ZFP30: variants seen among roughly 807,000 people sequenced by gnomAD.
ZFP30 encodes zinc finger protein 30 homolog.
Under a neutral mutation model 12.3 loss-of-function variants are expected in ZFP30, and 16 were observed. The observed-to-expected ratio is 1.30, with a 90% CI of 0.88 to 1.98. ZFP30 has a LOEUF of 1.98. Ranked by LOEUF, ZFP30 falls within the 30% of genes most tolerant of loss-of-function variation. The pLI is 0.00. For missense variants in ZFP30, 560 were observed against 611.2 expected, an observed-to-expected ratio of 0.92 and a Z score of 0.88; for synonymous variants, 172 against 201.0, an observed-to-expected ratio of 0.86 and a Z score of 1.22.
Position 37,649,895 on chromosome 19 carries a change from T to C in ZFP30, c.-77-1996A>G, listed in dbSNP as rs938311859. 2.0e-5 allele frequency among the ~76,000 whole-genome samples: 3 copies of C among 152,106 alleles called. No individual in the cohort carries two copies. The East Asian group carries it at 5.8e-4, about 29-fold the overall frequency. On this transcript the variant is annotated intron_variant, in intron 2 of 5. Coordinates refer to ENST00000684514, the MANE Select transcript of ZFP30 (RefSeq NM_001320669.3). ...TTAAAAATGAAGATAAAATTCATAT[T>C]TGATGTCATGGGAAGATGGCCACTA... is the stretch of plus-strand genomic sequence containing the variant.
chr19:37,646,690 C>T (rs1483896400), intron 3 of ZFP30, among the ~76,000 whole-genome samples: 18 of 152,204 alleles, frequency 1.2e-4, no homozygotes, highest in Non-Finnish European at 1.3e-4. Context: ...ATTCTCCCAC[C>T]TCAGTTTCCC....
At chr19:37,652,314 C>A (rs1269349842) in intron 2 of ZFP30, among the ~76,000 whole-genome samples, 1 of 152,184 alleles carries the variant, frequency 6.6e-6, no homozygotes, top group Non-Finnish European at 1.5e-5. Context: ...CACCTGTAAT[C>A]CCAGCACTTT....
At chr19:37,654,020 A>G (rs757473514) in intron 2 of ZFP30, among the ~76,000 whole-genome samples, 1 of 152,240 alleles carries the variant, frequency 6.6e-6, no homozygotes, top group Non-Finnish European at 1.5e-5. Context: ...TTTTAATACC[A>G]GTAGCTAGTA....
At chr19:37,649,418 T>C (rs1486254041) in intron 2 of ZFP30, among the ~76,000 whole-genome samples, 2 of 152,080 alleles carry the variant, frequency 1.3e-5, no homozygotes, top group East Asian at 1.9e-4. Flanking sequence ...CTCAATGATA[T>C]GATGTACAAA....
rs762572997 is a variant in ZFP30 at position 37,647,839 on chromosome 19, G to A, written c.-17C>T. ...ACGAGCCATGATTTTAGAACTGCTA[G>A]AACTGGTCAATTTTCCTCAAGGTTC... On this transcript the variant is annotated 5_prime_UTR_variant, in exon 3 of 6. Coordinates refer to ENST00000684514, the MANE Select transcript of ZFP30 (RefSeq NM_001320669.3). 6.2e-7 allele frequency: 1 copy of A among 1,614,136 alleles called. No individual in the cohort carries two copies. Among genetic ancestry groups the A allele is most frequent in the Non-Finnish European group, 8.5e-7 (1 of 1,180,008 alleles).
At chr19:37,648,071 G>T (rs547281589) in intron 2 of ZFP30, among the ~76,000 whole-genome samples, 172 bp from the exon 3 acceptor site, 6 of 152,138 alleles carry the variant, frequency 3.9e-5, no homozygotes, top group Non-Finnish European at 8.8e-5. Context: ...AAACCACAGC[G>T]AAATCAGCTC....
At chr19:37,638,685 G>A (rs1029240827) in intron 5 of ZFP30, among the ~76,000 whole-genome samples, 26 of 151,886 alleles carry the variant, frequency 1.7e-4, no homozygotes, top group Non-Finnish European at 3.5e-4. Context: ...ATGCAGCAAG[G>A]GCTAATCTCA....
At chr19:37,648,414 T>C (rs2044583289) in intron 2 of ZFP30, among the ~76,000 whole-genome samples, 1 of 152,206 alleles carries the variant, frequency 6.6e-6, no homozygotes, top group Non-Finnish European at 1.5e-5. Flanking sequence ...CTTTAAAATA[T>C]ACTGTTGCCT....
chr19:37,650,154 C>T (rs1015883481), intron 2 of ZFP30, among the ~76,000 whole-genome samples: 1 of 150,412 alleles, frequency 6.6e-6, no homozygotes, highest in Non-Finnish European at 1.5e-5. Flanking sequence ...GGCTTTTGCT[C>T]TGTCGCTCAG....
intron 2 of ZFP30, among the ~76,000 whole-genome samples, chr19:37,653,052 G>A (rs1490289316): frequency 1.3e-5 from 2 of 151,314 alleles, no homozygotes; most frequent in Non-Finnish European, 2.9e-5. Flanking sequence ...GGGAGGCAGC[G>A]GTTGCAGTGA....
chr19:37,637,735 G>A (rs1158383105), intron 5 of ZFP30, among the ~76,000 whole-genome samples: 9 of 152,056 alleles, frequency 5.9e-5, no homozygotes, highest in Admixed American at 4.6e-4. Flanking sequence ...TGATCTGCCC[G>A]CCTCAGCCTC....
intron 5 of ZFP30, among the ~76,000 whole-genome samples, chr19:37,638,728 T>C (rs1230728520): frequency 6.6e-6 from 1 of 152,034 alleles, no homozygotes; most frequent in Admixed American, 6.6e-5. Flanking sequence ...AAACTAGACA[T>C]ACAACAATCT....
rs781534659 is a variant in ZFP30, at chr19:37,635,664, T to C, written c.877A>G (p.Ile293Val). The change falls in exon 6 of 6, where the codon ATT (isoleucine) becomes GTT (valine). Residue 293 changes from isoleucine (I) to valine (V), a missense_variant. Transcript: ENST00000684514. ...TTACACTCATAGCACTTCTCAGCAA[T>C]GTTCAGTCTCTGATGTCGAGTAAGG... ...AHLTRHQRLNIAEKCYECKEC... is the reference protein window; with the variant it reads ...AHLTRHQRLNVAEKCYECKEC... The C allele has an allele frequency of 2.5e-6, 4 of 1,613,962 alleles. No homozygotes were observed. The highest frequency in any genetic ancestry group is 3.4e-6 in the Non-Finnish European group (4 of 1,179,974).
chr19:37,653,236 T>G (rs1053588357), intron 2 of ZFP30, among the ~76,000 whole-genome samples: 12 of 152,224 alleles, frequency 7.9e-5, no homozygotes, highest in African/African-American at 2.4e-4. Context: ...TTCCTGAGTA[T>G]TGTATCTCAT....
chr19:37,639,114 TTC>T (rs1444641630), intron 5 of ZFP30, among the ~76,000 whole-genome samples: 5 of 152,148 alleles, frequency 3.3e-5, no homozygotes, highest in African/African-American at 1.2e-4. Flanking sequence ...CTCTGTCTCT[TTC>T]TCTGTCTCCC....
chr19:37,650,124 ATT>A (rs879828813), intron 2 of ZFP30, among the ~76,000 whole-genome samples: 9 of 140,908 alleles, frequency 6.4e-5, no homozygotes, highest in African/African-American at 1.8e-4. Context: ...GAATCTTTAC[ATT>A]TTTTTTTTTT....
At chr19:37,646,834 G>C (rs1353187080) in intron 3 of ZFP30, among the ~76,000 whole-genome samples, 2 of 152,142 alleles carry the variant, frequency 1.3e-5, no homozygotes, top group East Asian at 3.9e-4. Context: ...CTCTGCTCAA[G>C]TAGTCCTCCT....
chr19:37,652,877 G>A (rs1204220022), intron 2 of ZFP30, among the ~76,000 whole-genome samples: 1 of 152,014 alleles, frequency 6.6e-6, no homozygotes, highest in Non-Finnish European at 1.5e-5. Context: ...CAACACTTTG[G>A]GAGGCCGAGG....
Position 37,644,696 on chromosome 19 carries a change from TGAGAA to T in ZFP30, c.45_49del (p.Phe15LeufsTer24). 1 of 1,613,716 alleles carries T rather than the reference TGAGAA, an allele frequency of 6.2e-7. No individual in the cohort carries two copies. The highest frequency in any genetic ancestry group is 8.5e-7 in the Non-Finnish European group (1 of 1,179,824). ...TGAGTTCAGGCATTCCCATTCTTCC[TGAGAA>T]AAGTCTACAGCCACATCTCTGAACA... is the stretch of plus-strand genomic sequence containing the variant. On this transcript the variant is annotated frameshift_variant, in exon 4 of 6. Transcript: ENST00000684514. LOFTEE classifies it high-confidence loss of function.
Sources: gnomAD v4.1 joint callset for allele counts (sites outside exome capture counted in the v4.1 genomes callset) on GRCh38, gnomAD v4.1.1 for gene constraint, MANE v1.5 for transcripts, NCBI Gene and HGNC (gene_info 2026-07-23, HGNC 2026-07-21) for gene names.